The following DOCK2 variants were observed in gnomAD, a reference collection of about 807,000 sequenced individuals.
DOCK2 encodes the protein dedicator of cytokinesis 2.
DOCK2 carries 87 observed loss-of-function variants against 248.9 expected under a neutral mutation model. That is an observed-to-expected ratio of 0.35 (90% confidence interval 0.29 to 0.42). DOCK2 has a LOEUF of 0.42. Among genes scored for constraint, DOCK2 ranks in the 10% least tolerant of loss-of-function variants. The pLI is 1.00. For missense variants in DOCK2, 1,747 were observed against 2,300.2 expected, an observed-to-expected ratio of 0.76 and a Z score of 4.92; for synonymous variants, 805 against 821.6, an observed-to-expected ratio of 0.98 and a Z score of 0.35.
intron 22 of DOCK2, among the ~76,000 whole-genome samples, chr5:169,731,859 G>A (rs1762792283): frequency 6.6e-6 from 1 of 152,124 alleles, no homozygotes; most frequent in Admixed American, 6.6e-5. Context: ...GGTGGCTCAT[G>A]CCTGTAATCT....
rs1443904633 is a variant in DOCK2, at chr5:169,907,872, C to G, written c.2799+67020C>G. Among the ~76,000 whole-genome samples the G allele has an allele frequency of 3.3e-5, 5 of 152,178 alleles. No homozygotes were observed. In the East Asian group the frequency reaches 7.7e-4, roughly 23 times the overall value. On this transcript the variant is annotated intron_variant, in intron 27 of 51. Transcript: ENST00000520908. ...CTAGTGGGTAGAGGGCAGGGATGCT[C>G]TAAACATCCTACAACACACAGGAAC...
intron 44 of DOCK2, among the ~76,000 whole-genome samples, chr5:170,066,915 C>A (rs1477604649): frequency 6.6e-6 from 1 of 152,154 alleles, no homozygotes; most frequent in East Asian, 1.9e-4. Context: ...GTTTGCCGAC[C>A]TCTACTTTAG....
intron 1 of DOCK2, among the ~76,000 whole-genome samples, chr5:169,638,475 C>G (rs977438110): frequency 9.9e-5 from 15 of 152,208 alleles, no homozygotes; most frequent in African/African-American, 3.4e-4. Context: ...ACTGGGAAGT[C>G]AGAACTGAGT....
chr5:169,814,928 T>G (rs986760977), intron 26 of DOCK2, among the ~76,000 whole-genome samples: 1 of 152,158 alleles, frequency 6.6e-6, no homozygotes, highest in African/African-American at 2.4e-5. Context: ...CCTAACTGTC[T>G]CAACCAATCA....
intron 26 of DOCK2, among the ~76,000 whole-genome samples, chr5:169,818,842 G>C (rs759264623): frequency 2.0e-5 from 3 of 152,164 alleles, no homozygotes; most frequent in Non-Finnish European, 2.9e-5. Context: ...AATTTCAGGT[G>C]AGTGAATATA....
intron 9 of DOCK2, among the ~76,000 whole-genome samples, chr5:169,691,909 G>A (rs370819334): frequency 1.1e-4 from 17 of 151,372 alleles, no homozygotes; most frequent in African/African-American, 4.1e-4. Context: ...AGGCTGGAGT[G>A]CTGTGGTGCA....
intron 26 of DOCK2, among the ~76,000 whole-genome samples, chr5:169,824,611 C>T (rs1768720510): frequency 6.6e-6 from 1 of 152,176 alleles, no homozygotes; most frequent in Non-Finnish European, 1.5e-5. Context: ...ACACCTTATA[C>T]AAAAATTAAT....
chr5:169,795,346 G>A (rs1478073002), intron 25 of DOCK2, among the ~76,000 whole-genome samples: 1 of 152,094 alleles, frequency 6.6e-6, no homozygotes, highest in Non-Finnish European at 1.5e-5. Context: ...TAAATAGGCC[G>A]GGTTTGTTTA....
chr5:169,730,445 C>G (rs262876), intron 22 of DOCK2, among the ~76,000 whole-genome samples: 48,796 of 152,040 alleles, frequency 0.32, 11,641 homozygotes, highest in African/African-American at 0.66. Flanking sequence ...TGAATTTGGA[C>G]AGCGAGTCAG....
chr5:169,878,386 A>G (rs1338141221), intron 27 of DOCK2, among the ~76,000 whole-genome samples: 9 of 152,254 alleles, frequency 5.9e-5, no homozygotes, highest in Non-Finnish European at 1.5e-5. Context: ...AAAACAGGCA[A>G]TATCACTTTT....
intron 27 of DOCK2, among the ~76,000 whole-genome samples, chr5:169,870,245 G>C (rs1027122500): frequency 6.6e-6 from 1 of 152,166 alleles, no homozygotes; most frequent in Admixed American, 6.5e-5. Context: ...CCCTCTTGGG[G>C]GTACCTCACT....
chr5:169,950,388 T>C (rs1776611226), intron 27 of DOCK2, among the ~76,000 whole-genome samples: 1 of 152,198 alleles, frequency 6.6e-6, no homozygotes. Flanking sequence ...AAAACAGTAG[T>C]ATTATCTCAG....
At chr5:169,819,963 A>G (rs574901295) in intron 26 of DOCK2, among the ~76,000 whole-genome samples, 1 of 152,336 alleles carries the variant, frequency 6.6e-6, no homozygotes, top group East Asian at 1.9e-4. Flanking sequence ...ACGGCACACC[A>G]GGAGACTATA....
intron 36 of DOCK2, among the ~76,000 whole-genome samples, chr5:170,037,795 A>G (rs1218081539): frequency 2.0e-5 from 3 of 152,172 alleles, no homozygotes; most frequent in Non-Finnish European, 2.9e-5. Context: ...CACAACAACA[A>G]AATTCTTGGA....
chr5:169,644,194 T>C (rs1181499331), intron 1 of DOCK2, among the ~76,000 whole-genome samples: 1 of 152,066 alleles, frequency 6.6e-6, no homozygotes, highest in East Asian at 1.9e-4. Flanking sequence ...AGGGGGACAT[T>C]GCAGGATTTG....
At chr5:170,004,929 A>C in intron 30 of DOCK2, among the ~76,000 whole-genome samples, 1 of 94,466 alleles carries the variant, frequency 1.1e-5, no homozygotes, top group Admixed American at 1.3e-4. Flanking sequence ...GGGTGGGGGG[A>C]GGGGGGAGGG....
At chr5:169,674,160 T>G in intron 5 of DOCK2, 137 bp from the exon 6 acceptor site, 1 of 984,676 alleles carries the variant, frequency 1.0e-6, no homozygotes, top group African/African-American at 1.6e-5. Flanking sequence ...CACCTAATCC[T>G]TTTGTAGTGG....
chr5:169,697,715 G>C (rs1760715390), intron 10 of DOCK2, among the ~76,000 whole-genome samples: 1 of 152,138 alleles, frequency 6.6e-6, no homozygotes, highest in African/African-American at 2.4e-5. Context: ...CCAGTGCCTG[G>C]AGTGTTTGAC....
chr5:169,827,082 G>A (rs565855862), intron 26 of DOCK2, among the ~76,000 whole-genome samples: 1 of 152,246 alleles, frequency 6.6e-6, no homozygotes, highest in African/African-American at 2.4e-5. Context: ...CAATACTTGA[G>A]TCTCATCACC....
Sources: allele counts gnomAD v4.1 joint callset (sites outside exome capture counted in the v4.1 genomes callset), GRCh38; gene constraint gnomAD v4.1.1; transcripts MANE v1.5; gene names NCBI Gene and HGNC (gene_info 2026-07-23, HGNC 2026-07-21).